KCNC2: variants seen among roughly 807,000 people sequenced by gnomAD.
KCNC2 encodes voltage-gated potassium channel KCNC2.
KCNC2 carries 21 observed loss-of-function variants against 44.5 expected under a neutral mutation model. The observed-to-expected ratio is 0.47, with a 90% CI of 0.33 to 0.68. The LOEUF is 0.68. KCNC2 is among the 30% of genes least tolerant of loss of function. KCNC2 has a pLI of 0.01. For missense variants in KCNC2, 589 were observed against 826.2 expected, an observed-to-expected ratio of 0.71 and a Z score of 3.52; for synonymous variants, 391 against 339.1, an observed-to-expected ratio of 1.15 and a Z score of -1.68.
intron 4 of KCNC2, chr12:75,044,624 A>G (rs1880277728): frequency 6.6e-6 from 1 of 152,022 alleles, no homozygotes; most frequent in Non-Finnish European, 1.5e-5. Flanking sequence ...GGATCGCAGT[A>G]ACAGCTCTCT....
At chr12:75,149,072 A>G (rs1401863766) in intron 2 of KCNC2, among the ~76,000 whole-genome samples, 1 of 150,676 alleles carries the variant, frequency 6.6e-6, no homozygotes, top group African/African-American at 2.4e-5. Flanking sequence ...AGAATATTAG[A>G]ATGTGAAACC....
At chr12:75,059,904 T>C (rs1040453929) in intron 2 of KCNC2, among the ~76,000 whole-genome samples, 2 of 152,086 alleles carry the variant, frequency 1.3e-5, no homozygotes, top group African/African-American at 2.4e-5. Flanking sequence ...AATCTGGTAA[T>C]CTCATCTACT....
chr12:75,099,067 T>A (rs1308646740), intron 2 of KCNC2, among the ~76,000 whole-genome samples: 2 of 152,184 alleles, frequency 1.3e-5, no homozygotes, highest in Non-Finnish European at 2.9e-5. Flanking sequence ...AAATTAATAA[T>A]CTTATCTAAA....
At chr12:75,060,096 T>C (rs542063298) in intron 2 of KCNC2, among the ~76,000 whole-genome samples, 19 of 152,256 alleles carry the variant, frequency 1.2e-4, no homozygotes, top group Non-Finnish European at 2.6e-4. Flanking sequence ...CAAGAGAACG[T>C]CAATTTACAC....
At chr12:75,127,033 A>G (rs1421880887) in intron 2 of KCNC2, among the ~76,000 whole-genome samples, 1 of 152,102 alleles carries the variant, frequency 6.6e-6, no homozygotes, top group Non-Finnish European at 1.5e-5. Context: ...TAGTTAATGT[A>G]TTGTGTATTT....
chr12:75,107,453 A>G (rs549886726), intron 2 of KCNC2, among the ~76,000 whole-genome samples: 19 of 152,318 alleles, frequency 1.2e-4, no homozygotes, highest in Non-Finnish European at 2.8e-4. Context: ...TTCAGCGTCT[A>G]TGTGTTATCT....
chr12:75,100,087 G>A (rs182736240), intron 2 of KCNC2, among the ~76,000 whole-genome samples: 2 of 152,124 alleles, frequency 1.3e-5, no homozygotes, highest in Admixed American at 6.6e-5. Context: ...AGCTCTGTAC[G>A]TATCTTTCTT....
rs1890761179 is a variant in KCNC2 at position 75,156,388 on chromosome 12, GT to G, written c.687+50908del. Among the ~76,000 whole-genome samples the G allele has an allele frequency of 3.3e-5, 5 of 151,860 alleles. No homozygotes were observed. In the East Asian group the frequency reaches 5.8e-4, roughly 18 times the overall value. On this transcript the variant is annotated intron_variant, in intron 2 of 4. Coordinates refer to ENST00000549446, the MANE Select transcript of KCNC2 (RefSeq NM_139137.4). ...TGAATTTTCAGTGCCCATAAATAAA[GT>G]TTTATTGGTTTGCAGTCACGCTCAT...
At chr12:75,106,833 T>C (rs1283248568) in intron 2 of KCNC2, among the ~76,000 whole-genome samples, 1 of 152,234 alleles carries the variant, frequency 6.6e-6, no homozygotes, top group Non-Finnish European at 1.5e-5. Context: ...GCACAATTTA[T>C]ATATTCAATT....
Position 75,207,851 on chromosome 12 carries a change from C to T in KCNC2, c.133G>A (p.Asp45Asn). 2.5e-6 allele frequency: 4 copies of T among 1,611,624 alleles called. No homozygotes were observed. Among genetic ancestry groups the T allele is most frequent in the Non-Finnish European group, 3.4e-6 (4 of 1,179,668 alleles). ...TTGTCGCCCGCCGTGGTCAAGCAGTCGCCTGGGGGCTCGGAGGAGGCAAGA... is the reference window on the plus strand; with the variant it reads ...TTGTCGCCCGCCGTGGTCAAGCAGTTGCCTGGGGGCTCGGAGGAGGCAAGA... ...ALLASSEPPG[D>N]CLTTAGDKLQ... The change falls in exon 2 of 5, where the codon GAC (aspartate) becomes AAC (asparagine). Residue 45 changes from aspartate to asparagine, a missense_variant. This residue lies in a region of KCNC2 where 148 missense variants were observed against 140.1 expected (regional missense o/e 1.06). Transcript: ENST00000549446. This position sits in a 1 kb window ranked among gnomAD's most constrained non-coding sequence, Gnocchi z 4.1.
At position 75,050,268 on chromosome 12, in the gene KCNC2, G is replaced by A. The variant is rs148259589; in HGVS notation, c.1615+122C>T. On this transcript the variant is annotated intron_variant, in intron 3 of 4. Coordinates refer to ENST00000549446, the MANE Select transcript of KCNC2 (RefSeq NM_139137.4). ...CAAGCCTGACACAAACACACATTTC[G>A]TGAAAGGGTTAGGGCTGAAAACTCA... is the stretch of plus-strand genomic sequence containing the variant. The A allele has an allele frequency of 7.1e-4, 521 of 731,626 alleles. 1 individual carries two copies. The highest frequency in any genetic ancestry group is 1.1e-3 in the Non-Finnish European group (474 of 435,084). 45.3% of individuals were successfully genotyped at this position (731,626 alleles called of 1,614,324 possible). A position where few individuals can be genotyped will look rare whatever the true frequency, so the allele number is the denominator to read the frequency against.
chr12:75,206,349 T>G (rs896319557), intron 2 of KCNC2, among the ~76,000 whole-genome samples: 2 of 152,236 alleles, frequency 1.3e-5, no homozygotes, highest in Non-Finnish European at 2.9e-5. Context: ...GTTATTTATA[T>G]GTCTTTATTT....
chr12:75,190,761 GAA>G (rs562285741), intron 2 of KCNC2, among the ~76,000 whole-genome samples: 18 of 151,912 alleles, frequency 1.2e-4, no homozygotes, highest in Non-Finnish European at 1.9e-4. Context: ...TGACTCCAGA[GAA>G]AATAATTTCA....
Position 75,042,449 on chromosome 12 carries a change from TA to T in KCNC2, c.*655del. On this transcript the variant is annotated 3_prime_UTR_variant, in exon 5 of 5. Coordinates refer to ENST00000549446, the MANE Select transcript of KCNC2 (RefSeq NM_139137.4). ...AAGAAAAGTAAATCAATCAAGAAAT[TA>T]AACTATTTAAAACATATATTTCTTT... 2 of 1,556,740 alleles carry T rather than the reference TA, an allele frequency of 1.3e-6. No individual in the cohort carries two copies. The highest frequency in any genetic ancestry group is 1.2e-5 in the South Asian group (1 of 83,964).
At chr12:75,151,853 G>A (rs1050839348) in intron 2 of KCNC2, among the ~76,000 whole-genome samples, 4 of 147,816 alleles carry the variant, frequency 2.7e-5, no homozygotes, top group African/African-American at 1.0e-4. Context: ...TAGTGAACTG[G>A]AATAAACATC....
intron 2 of KCNC2, among the ~76,000 whole-genome samples, chr12:75,083,898 A>G (rs927026133): frequency 8.6e-5 from 13 of 151,994 alleles, no homozygotes; most frequent in African/African-American, 3.1e-4. Flanking sequence ...AGTAAAAGAA[A>G]ATAACTTTCA....
chr12:75,082,475 G>A (rs1382717253), intron 2 of KCNC2, among the ~76,000 whole-genome samples: 1 of 150,134 alleles, frequency 6.7e-6, no homozygotes, highest in Non-Finnish European at 1.5e-5. Flanking sequence ...TCTTGAAAAT[G>A]TAAATTCTAT....
chr12:75,189,029 T>C (rs2029944019), intron 2 of KCNC2, among the ~76,000 whole-genome samples: 1 of 152,186 alleles, frequency 6.6e-6, no homozygotes, highest in South Asian at 2.1e-4. Flanking sequence ...ATGATCATAG[T>C]AAATTGTGCT....
chr12:75,065,278 C>A (rs1000431952), intron 2 of KCNC2, among the ~76,000 whole-genome samples: 1 of 152,022 alleles, frequency 6.6e-6, no homozygotes, highest in Non-Finnish European at 1.5e-5. Context: ...ACAATCACAA[C>A]AATTATTCAT....
Sources: allele counts gnomAD v4.1 joint callset (sites outside exome capture counted in the v4.1 genomes callset), GRCh38; gene constraint gnomAD v4.1.1; regional missense constraint gnomAD v4.1.1; non-coding constraint Gnocchi (gnomAD v3.1); transcripts MANE v1.5; gene names NCBI Gene and HGNC (gene_info 2026-07-23, HGNC 2026-07-21).